Variants in ROBO2 observed in about 807,000 individuals in gnomAD.
ROBO2 encodes roundabout guidance receptor 2.
A neutral mutation model predicts 160.8 loss-of-function variants in ROBO2; 53 were observed. The observed-to-expected ratio is 0.33, with a 90% CI of 0.26 to 0.41. The LOEUF (loss-of-function observed/expected upper bound fraction) is 0.41. Among genes scored for constraint, ROBO2 ranks in the 10% least tolerant of loss-of-function variants. The pLI, the probability that ROBO2 is intolerant of heterozygous loss-of-function variation, is 1.00. For synonymous variants in ROBO2, 664 were observed against 611.7 expected, an observed-to-expected ratio of 1.09 and a Z score of -1.26; for missense variants, 1,577 against 1,722.4, an observed-to-expected ratio of 0.92 and a Z score of 1.49.
intron 2 of ROBO2, among the ~76,000 whole-genome samples, chr3:76,788,190 A>G (rs2063120467): frequency 1.3e-5 from 2 of 151,440 alleles, no homozygotes; most frequent in Non-Finnish European, 1.5e-5. Flanking sequence ...CACCAGGCAA[A>G]TAATAATATA....
chr3:77,256,829 G>A (rs41344847), intron 2 of ROBO2, among the ~76,000 whole-genome samples: 23,554 of 152,124 alleles, frequency 0.15, 2,617 homozygotes, highest in East Asian at 0.64. Flanking sequence ...TGTGCACCCA[G>A]TGATTTCTCA....
intron 2 of ROBO2, among the ~76,000 whole-genome samples, chr3:76,190,515 G>C (rs1701957774): frequency 6.6e-6 from 1 of 152,016 alleles, no homozygotes. Context: ...TGTTATATGT[G>C]ATTATCTAAT....
At chr3:77,052,125 A>C (rs974835846) in intron 1 of ROBO2, among the ~76,000 whole-genome samples, 2 of 152,158 alleles carry the variant, frequency 1.3e-5, no homozygotes, top group African/African-American at 4.8e-5. Context: ...GCACTGGTTT[A>C]GTCCCTTCTT....
At chr3:77,417,326 A>G (rs1390122743) in intron 2 of ROBO2, among the ~76,000 whole-genome samples, 5 of 151,914 alleles carry the variant, frequency 3.3e-5, no homozygotes. Flanking sequence ...ATTCACAGGC[A>G]ATCAATCCTT....
rs145624518 is a variant in ROBO2, at chr3:76,534,731, C to T, written c.110-563283C>T. Reference sequence around the variant, plus strand: ...CAGGAGATACTTAAATTTATGAACACGGGGTATATGAGTAAAGTCAATTTG... The same window carrying T: ...CAGGAGATACTTAAATTTATGAACATGGGGTATATGAGTAAAGTCAATTTG... On this transcript the variant is annotated intron_variant, in intron 2 of 26. Transcript: ENST00000487694. Among the ~76,000 whole-genome samples, 301 of 152,108 alleles carry T rather than the reference C, an allele frequency of 2.0e-3. 1 individual carries two copies. Among genetic ancestry groups the T allele is most frequent in the Non-Finnish European group, 3.6e-3 (245 of 68,026 alleles).
rs1037093362 is a variant in ROBO2, at chr3:77,477,408, C to T, written c.389-6C>T. 1.3e-6 allele frequency: 2 copies of T among 1,567,154 alleles called. No homozygotes were observed. The highest frequency in any genetic ancestry group is 1.7e-6 in the Non-Finnish European group (2 of 1,150,374). ...GTTTTCTTTTCCTGTAATTATTTTT[C>T]CTCAGTGTTACGAGATGACTTCCGA... On this transcript the variant is annotated splice_region_variant and splice_polypyrimidine_tract_variant and intron_variant, in intron 2 of 25. Coordinates refer to ENST00000461745, the Ensembl canonical transcript of ROBO2.
At chr3:76,215,814 A>G (rs1178104029) in intron 2 of ROBO2, among the ~76,000 whole-genome samples, 2 of 152,192 alleles carry the variant, frequency 1.3e-5, no homozygotes, top group Admixed American at 6.5e-5. Context: ...AGAGAATGCC[A>G]CAAAGATAAT....
chr3:75,957,601 A>C (rs2107244660), intron 2 of ROBO2, among the ~76,000 whole-genome samples: 1 of 151,658 alleles, frequency 6.6e-6, no homozygotes, highest in East Asian at 2.0e-4. Flanking sequence ...ATGCTTAAAA[A>C]GTCATCTGAC....
intron 2 of ROBO2, among the ~76,000 whole-genome samples, chr3:77,292,877 A>T (rs1296626782): frequency 4.0e-5 from 6 of 151,590 alleles, no homozygotes; most frequent in Admixed American, 2.0e-4. Flanking sequence ...GACATAAAGT[A>T]AAATTGACGA....
At chr3:76,389,920 C>A (rs1446575809) in intron 2 of ROBO2, among the ~76,000 whole-genome samples, 4 of 152,108 alleles carry the variant, frequency 2.6e-5, no homozygotes, top group Admixed American at 6.5e-5. Flanking sequence ...ATGAGAGTTA[C>A]ATTTATCTGT....
intron 2 of ROBO2, among the ~76,000 whole-genome samples, chr3:76,345,336 A>G (rs1332770698): frequency 2.0e-5 from 3 of 151,856 alleles, no homozygotes; most frequent in Admixed American, 2.0e-4. Flanking sequence ...CTTTGTAACT[A>G]GACTTTTCAA....
At chr3:77,458,070 C>T (rs1242508590) in intron 2 of ROBO2, among the ~76,000 whole-genome samples, 1 of 152,148 alleles carries the variant, frequency 6.6e-6, no homozygotes, top group Admixed American at 6.5e-5. Context: ...ACTTAATCCT[C>T]ATCGCCGCCT....
rs984867680 is a variant in ROBO2 at position 76,499,115 on chromosome 3, A to C, written c.109+561513A>C. On this transcript the variant is annotated intron_variant, in intron 2 of 26. Coordinates refer to the ROBO2 transcript ENST00000487694. ...CCTGCTCATTACCCAGAACTCCAAA[A>C]CTAAATCCATTCTTAGTAAGATGCT... Among the ~76,000 whole-genome samples the C allele has an allele frequency of 2.0e-4, 30 of 152,050 alleles. 1 individual carries two copies. Among genetic ancestry groups the C allele is most frequent in the Admixed American group, 6.6e-4 (10 of 15,258 alleles).
intron 2 of ROBO2, among the ~76,000 whole-genome samples, chr3:76,489,160 T>A (rs537486489): frequency 7.3e-5 from 11 of 150,368 alleles, no homozygotes; most frequent in Non-Finnish European, 1.3e-4. Context: ...TTTTGTTTTT[T>A]TTTTTGGCCT....
chr3:76,563,167 G>T (rs2084304394), intron 2 of ROBO2, among the ~76,000 whole-genome samples: 1 of 152,014 alleles, frequency 6.6e-6, no homozygotes, highest in African/African-American at 2.4e-5. Context: ...CAATGAGTCA[G>T]TCAATTAACA....
intron 2 of ROBO2, among the ~76,000 whole-genome samples, chr3:76,484,476 G>A (rs932883093): frequency 5.3e-5 from 8 of 152,238 alleles, no homozygotes; most frequent in East Asian, 3.9e-4. Context: ...GTGGGGAGTC[G>A]GCTATGCAGC....
At chr3:76,965,805 A>ATATATATATT (rs1553709332) in intron 2 of ROBO2, among the ~76,000 whole-genome samples, 1 of 146,354 alleles carries the variant, frequency 6.8e-6, no homozygotes, top group Non-Finnish European at 1.5e-5. Flanking sequence ...ATATATATAT[A>ATATATATATT]TATATTTCTT....
chr3:76,686,539 T>C (rs1316626620), intron 2 of ROBO2, among the ~76,000 whole-genome samples: 3 of 152,084 alleles, frequency 2.0e-5, no homozygotes, highest in Non-Finnish European at 2.9e-5. Flanking sequence ...TTTTTAAAAA[T>C]AGTTTGAGAG....
intron 2 of ROBO2, among the ~76,000 whole-genome samples, chr3:76,293,900 C>G (rs943179783): frequency 6.6e-6 from 1 of 152,182 alleles, no homozygotes; most frequent in African/African-American, 2.4e-5. Context: ...CTCAAAGGGC[C>G]TCCTGCCACC....
Sources: gnomAD v4.1 joint callset for allele counts (sites outside exome capture counted in the v4.1 genomes callset) on GRCh38, gnomAD v4.1.1 for gene constraint, MANE v1.5 for transcripts, NCBI Gene and HGNC (gene_info 2026-07-23, HGNC 2026-07-21) for gene names.